The following ABCC2 variants were observed in gnomAD, a reference collection of about 807,000 sequenced individuals.
ABCC2 encodes ATP-binding cassette sub-family C member 2.
A neutral mutation model predicts 173.4 loss-of-function variants in ABCC2; 157 were observed. The observed-to-expected ratio is 0.91, with a 90% CI of 0.80 to 1.03. The LOEUF (loss-of-function observed/expected upper bound fraction) is 1.03. Among genes scored for constraint, ABCC2 ranks in the 50% least tolerant of loss-of-function variants. The probability of loss-of-function intolerance (pLI) is 0.00; values close to 1 mark genes in which losing one functional copy is unlikely to be tolerated. For synonymous variants in ABCC2, 657 were observed against 693.5 expected (o/e 0.95, Z 0.83); for missense variants, 1,822 against 1,852.3 (o/e 0.98, Z 0.30).
At chr10:99,799,085 G>T in intron 7 of ABCC2, 122 bp from the exon 8 acceptor site, 1 of 1,062,534 alleles carries the variant, frequency 9.4e-7, no homozygotes, top group Non-Finnish European at 1.4e-6. Flanking sequence ...AACTAGGCCA[G>T]GGAGAGATGA....
At chr10:99,784,878 C>T in intron 2 of ABCC2, 97 bp downstream of exon 2, 1 of 1,474,548 alleles carries the variant, frequency 6.8e-7, no homozygotes, top group Non-Finnish European at 9.4e-7. Context: ...CTTTAAGCAG[C>T]TGTCCCAGGT....
At chr10:99,803,265 A>C (rs2038042843) in intron 9 of ABCC2, among the ~76,000 whole-genome samples, 1 of 152,246 alleles carries the variant, frequency 6.6e-6, no homozygotes, top group Admixed American at 6.5e-5. Flanking sequence ...CACTGCACAC[A>C]GCCTACAAAA....
intron 9 of ABCC2, among the ~76,000 whole-genome samples, chr10:99,803,558 TAGAC>T (rs2038046900): frequency 6.6e-6 from 1 of 152,146 alleles, no homozygotes; most frequent in African/African-American, 2.4e-5. Flanking sequence ...AGTAGTGAAA[TAGAC>T]AGATGTTGCC....
At chr10:99,784,930 G>A (rs1331236960) in intron 2 of ABCC2, 149 bp downstream of exon 2, 13 of 952,990 alleles carry the variant, frequency 1.4e-5, no homozygotes, top group Admixed American at 7.6e-5. Context: ...TTTCCCTCAC[G>A]GGTCCCTTGC....
intron 25 of ABCC2, 48 bp from the exon 26 acceptor site, chr10:99,841,919 T>G: frequency 6.2e-7 from 1 of 1,613,782 alleles, no homozygotes; most frequent in Admixed American, 1.7e-5. Flanking sequence ...CTGGTTAAGA[T>G]GAGGACGTGA....
At chr10:99,821,237 CCTAT>C (rs2038531879) in intron 19 of ABCC2, among the ~76,000 whole-genome samples, 1 of 152,230 alleles carries the variant, frequency 6.6e-6, no homozygotes, top group South Asian at 2.1e-4. Flanking sequence ...GCGGTTTTTC[CCTAT>C]CTCAGTAGAT....
At chr10:99,782,958 A>G in intron 1 of ABCC2, 81 bp downstream of exon 1, 1 of 1,420,580 alleles carries the variant, frequency 7.0e-7, no homozygotes, top group Non-Finnish European at 9.9e-7. Context: ...GGTGGTCACC[A>G]ACAAGAACCA....
intron 16 of ABCC2, among the ~76,000 whole-genome samples, chr10:99,815,640 A>G (rs529254981): frequency 1.1e-3 from 166 of 152,308 alleles, no homozygotes; most frequent in Non-Finnish European, 1.9e-3. Context: ...AGGAGTATCT[A>G]TAGATTTTCA....
intron 31 of ABCC2, 34 bp downstream of exon 31, chr10:99,850,830 G>A (rs564669362): frequency 1.5e-4 from 245 of 1,611,856 alleles, no homozygotes; most frequent in Non-Finnish European, 2.0e-4. Flanking sequence ...GACACGGATG[G>A]CTTAACCCTT....
chr10:99,815,094 C>G (rs903839960), intron 16 of ABCC2, among the ~76,000 whole-genome samples: 1 of 151,924 alleles, frequency 6.6e-6, no homozygotes, highest in African/African-American at 2.4e-5. Flanking sequence ...GTTCCCTCCC[C>G]TCGCCCCTCA....
In ABCC2 at chr10:99,818,794, T is replaced by C. The variant is rs748562479; in HGVS notation, c.2276T>C (p.Ile759Thr). ...GDLAEIGEKG[I>T]NLSGGQKQRI... ...ATGAATTATTTTCTTCTTCAGGGTA[T>C]AAATCTTAGTGGGGGTCAGAAGCAG... Residue 759 changes from isoleucine (I) to threonine (T), a missense_variant, in exon 18 of 32, where the codon ATA (isoleucine) becomes ACA (threonine). Coordinates refer to ENST00000647814, the MANE Select transcript of ABCC2 (RefSeq NM_000392.5). 2 of 1,614,128 alleles carry C rather than the reference T, an allele frequency of 1.2e-6. No individual in the cohort carries two copies. The highest frequency in any genetic ancestry group is 1.7e-5 in the Admixed American group (1 of 60,014).
chr10:99,783,994 C>G (rs78002351), intron 1 of ABCC2, among the ~76,000 whole-genome samples: 1 of 99,350 alleles, frequency 1.0e-5, no homozygotes, highest in Admixed American at 1.6e-4. Context: ...GCCCACCCCC[C>G]ACCCCCCAAC....
chr10:99,836,085 G>A lies in ABCC2; in HGVS notation c.3415-6G>A. The A allele has an allele frequency of 4.3e-6, 7 of 1,612,974 alleles. No homozygotes were observed. The highest frequency in any genetic ancestry group is 5.1e-6 in the Non-Finnish European group (6 of 1,179,994). On this transcript the variant is annotated splice_region_variant and splice_polypyrimidine_tract_variant and intron_variant, in intron 24 of 31. Coordinates refer to ENST00000647814, the MANE Select transcript of ABCC2 (RefSeq NM_000392.5). ...GACTGGCTGATTCTTTACTTTTTGTGTCCAGATGTTTTATGTGTCTACCTC... is the reference window on the plus strand; with the variant it reads ...GACTGGCTGATTCTTTACTTTTTGTATCCAGATGTTTTATGTGTCTACCTC...
chr10:99,845,337 C>T (rs540952408), intron 28 of ABCC2, among the ~76,000 whole-genome samples: 14 of 152,082 alleles, frequency 9.2e-5, no homozygotes, highest in Non-Finnish European at 1.0e-4. Flanking sequence ...CTGGCCTAAA[C>T]AAGGATTTTG....
At chr10:99,792,039 A>G (rs1331658841) in intron 2 of ABCC2, among the ~76,000 whole-genome samples, 195 bp from the exon 3 acceptor site, 2 of 152,236 alleles carry the variant, frequency 1.3e-5, no homozygotes, top group Admixed American at 1.3e-4. Context: ...AGCATTCCTC[A>G]AAAACAATGA....
At position 99,804,285 on chromosome 10, in the gene ABCC2, G is replaced by C. The variant is rs778195142; in HGVS notation, c.1464+12G>C. ...GTAAGACCATTCAGGTAAAGAAAAA[G>C]TCACCCAGAAGAATATAAGCTTTCT... On this transcript the variant is annotated intron_variant, in intron 10 of 31. Transcript: ENST00000647814. The C allele has an allele frequency of 2.9e-5, 46 of 1,613,820 alleles. No homozygotes were observed. Among genetic ancestry groups the C allele is most frequent in the Non-Finnish European group, 3.9e-5 (46 of 1,179,934 alleles).
intron 3 of ABCC2, 111 bp downstream of exon 3, chr10:99,792,470 C>A: frequency 6.6e-7 from 1 of 1,524,286 alleles, no homozygotes; most frequent in Non-Finnish European, 9.0e-7. Flanking sequence ...GTCTTTTTCG[C>A]GGGATCCATA....
chr10:99,829,568 C>T lies in ABCC2; in HGVS notation c.2621-739C>T, dbSNP rs930676680. 1.5e-3 allele frequency among the ~76,000 whole-genome samples: 218 copies of T among 146,680 alleles called. 1 individual carries two copies. Among genetic ancestry groups the T allele is most frequent in the African/African-American group, 4.9e-3 (196 of 39,768 alleles). ...TTATATTTTATTTTATTTTATTTTC[C>T]GGGTATGTCTTTTAAGTGATTTAAA... is the stretch of plus-strand genomic sequence containing the variant. On this transcript the variant is annotated intron_variant, in intron 19 of 31. Transcript: ENST00000647814.
At chr10:99,795,755 GA>G (rs1564672344) in intron 6 of ABCC2, among the ~76,000 whole-genome samples, 1 of 126,784 alleles carries the variant, frequency 7.9e-6, no homozygotes, top group Non-Finnish European at 1.7e-5. Flanking sequence ...AAGAAAGAAA[GA>G]AAGAAAGAAA....
Sources: gnomAD v4.1 joint callset for allele counts (sites outside exome capture counted in the v4.1 genomes callset) on GRCh38, gnomAD v4.1.1 for gene constraint, MANE v1.5 for transcripts, NCBI Gene and HGNC (gene_info 2026-07-23, HGNC 2026-07-21) for gene names.